Variants in XPR1 observed in about 807,000 individuals in gnomAD.
XPR1 encodes xenotropic and polytropic retrovirus receptor 1.
XPR1 carries 28 observed loss-of-function variants against 87.5 expected under a neutral mutation model. The ratio of observed to expected loss-of-function variants is 0.32; its 90% CI spans 0.24 to 0.44. XPR1 has a LOEUF of 0.44. XPR1 is among the 20% of genes least tolerant of loss of function. The pLI, the probability that XPR1 is intolerant of heterozygous loss-of-function variation, is 1.00. For synonymous variants in XPR1, 300 were observed against 306.1 expected (o/e 0.98, Z 0.21); for missense variants, 559 against 862.3 (o/e 0.65, Z 4.41).
rs71297873 is a variant in XPR1 at position 180,748,400 on chromosome 1, C to CTTTTTTTTTTTTTTT, written c.122-39332_122-39318dup. On this transcript the variant is annotated intron_variant, in intron 2 of 14. Coordinates refer to ENST00000367590, the MANE Select transcript of XPR1 (RefSeq NM_004736.4). ...TGCTACTCTGTGTTATTATTTATGTCTTTTTTTTTTTTTTTTTTTTTTTTT... is the reference window on the plus strand; with the variant it reads ...TGCTACTCTGTGTTATTATTTATGTCTTTTTTTTTTTTTTTTTTTTTTTTTTTTTTTTTTTTTTTT... Among the ~76,000 whole-genome samples, 23 of 29,676 alleles carry CTTTTTTTTTTTTTTT rather than the reference C, an allele frequency of 7.8e-4. 6 individuals carry two copies. The highest frequency in any genetic ancestry group is 3.2e-3 in the East Asian group (2 of 628). 19.5% of individuals were successfully genotyped at this position (29,676 alleles called of 152,430 possible). A position where few individuals can be genotyped will look rare whatever the true frequency, so the allele number is the denominator to read the frequency against.
chr1:180,801,205 C>T (rs1649769819), intron 3 of XPR1, among the ~76,000 whole-genome samples: 1 of 152,248 alleles, frequency 6.6e-6, no homozygotes, highest in Non-Finnish European at 1.5e-5. Flanking sequence ...ATACATCTCT[C>T]ATGGCCATTC....
intron 1 of XPR1, among the ~76,000 whole-genome samples, chr1:180,675,680 A>G (rs1656346770): frequency 6.6e-6 from 1 of 152,214 alleles, no homozygotes; most frequent in African/African-American, 2.4e-5. Context: ...GGAGTTTTAT[A>G]TAAAGTGCTG....
At chr1:180,671,703 C>CA (rs1656183891) in intron 1 of XPR1, among the ~76,000 whole-genome samples, 1 of 152,074 alleles carries the variant, frequency 6.6e-6, no homozygotes, top group Admixed American at 6.6e-5. Flanking sequence ...TTAGTAGAGA[C>CA]AGGGTCTCAC....
chr1:180,681,206 A>G (rs114008990), intron 1 of XPR1, among the ~76,000 whole-genome samples: 5,184 of 152,268 alleles, frequency 0.034, 132 homozygotes, highest in African/African-American at 0.07. Flanking sequence ...TAGAAGGAGG[A>G]TATTGAATGT....
chr1:180,728,304 G>T (rs1055843873), intron 2 of XPR1, among the ~76,000 whole-genome samples: 15 of 144,910 alleles, frequency 1.0e-4, no homozygotes, highest in African/African-American at 3.5e-4. Context: ...AACTGGGGGG[G>T]GGGGTAGTAA....
chr1:180,671,638 C>T (rs1656179442), intron 1 of XPR1, among the ~76,000 whole-genome samples: 1 of 152,100 alleles, frequency 6.6e-6, no homozygotes, highest in South Asian at 2.1e-4. Context: ...GATTCTCTTG[C>T]CTCAGCCTTG....
chr1:180,771,901 C>T (rs1648529955), intron 2 of XPR1, among the ~76,000 whole-genome samples: 1 of 152,002 alleles, frequency 6.6e-6, no homozygotes, highest in South Asian at 2.1e-4. Flanking sequence ...ACTGTTTCTC[C>T]CTTTGGATTG....
chr1:180,668,678 A>G (rs1163589247), intron 1 of XPR1, among the ~76,000 whole-genome samples: 1 of 152,118 alleles, frequency 6.6e-6, no homozygotes, highest in African/African-American at 2.4e-5. Context: ...TTATTGAAGT[A>G]TGTGTTGTTT....
intron 13 of XPR1, among the ~76,000 whole-genome samples, chr1:180,879,319 C>T (rs1358902228): frequency 6.6e-6 from 1 of 152,204 alleles, no homozygotes; most frequent in East Asian, 1.9e-4. Context: ...TTCAGCAGGA[C>T]CTTTTTCAAA....
intron 11 of XPR1, among the ~76,000 whole-genome samples, chr1:180,852,648 A>C (rs773779360): frequency 5.3e-5 from 8 of 152,178 alleles, no homozygotes; most frequent in Non-Finnish European, 8.8e-5. Context: ...TCTTGGGCTC[A>C]TGCAGCCCTC....
intron 1 of XPR1, among the ~76,000 whole-genome samples, chr1:180,680,982 CA>C (rs1251311339): frequency 2.6e-5 from 4 of 152,160 alleles, no homozygotes; most frequent in Admixed American, 6.5e-5. Context: ...CACATGTTCT[CA>C]CTCATATGTG....
At chr1:180,788,460 A>G (rs1649261400) in intron 3 of XPR1, among the ~76,000 whole-genome samples, 1 of 152,186 alleles carries the variant, frequency 6.6e-6, no homozygotes, top group African/African-American at 2.4e-5. Context: ...AGACATCAGG[A>G]GTCCTGTGAG....
chr1:180,867,158 C>A (rs1652426197), intron 12 of XPR1, among the ~76,000 whole-genome samples: 1 of 43,372 alleles, frequency 2.3e-5, no homozygotes, highest in Non-Finnish European at 4.3e-5. Context: ...TTTTTTATGG[C>A]TGCATAGTAT....
chr1:180,701,827 T>G lies in XPR1; in HGVS notation c.121+19416T>G, dbSNP rs1657341742. On this transcript the variant is annotated intron_variant, in intron 2 of 14. Coordinates refer to ENST00000367590, the MANE Select transcript of XPR1 (RefSeq NM_004736.4). ...CTCCTCGTATTTGATTCTTCTCTCT[T>G]TTTTTCTTTATTAGTCTTGCTAGCG... 1.4e-5 allele frequency among the ~76,000 whole-genome samples: 2 copies of G among 140,620 alleles called. 1 individual carries two copies. The highest frequency in any genetic ancestry group is 5.9e-5 in the African/African-American group (2 of 33,802). The allele number at this position is 140,620 out of a possible 152,430, so 92.3% of individuals were successfully genotyped here.
At chr1:180,706,697 C>T (rs542551660) in intron 2 of XPR1, among the ~76,000 whole-genome samples, 76 of 152,040 alleles carry the variant, frequency 5.0e-4, no homozygotes, top group Non-Finnish European at 7.4e-4. Flanking sequence ...CTGCAACCTC[C>T]GCCTTCCGAG....
chr1:180,657,153 G>A (rs1361288337), intron 1 of XPR1, among the ~76,000 whole-genome samples: 6 of 152,150 alleles, frequency 3.9e-5, no homozygotes, highest in Admixed American at 3.3e-4. Context: ...AGAAATGTCT[G>A]TTCAGATCTT....
chr1:180,757,657 C>T (rs957568391), intron 2 of XPR1, among the ~76,000 whole-genome samples: 8 of 151,772 alleles, frequency 5.3e-5, no homozygotes, highest in African/African-American at 1.7e-4. Flanking sequence ...GGTAGGACTA[C>T]AGGTGCACAC....
At chr1:180,848,692 T>C (rs969891167) in intron 11 of XPR1, among the ~76,000 whole-genome samples, 15 of 152,258 alleles carry the variant, frequency 9.9e-5, no homozygotes, top group African/African-American at 3.4e-4. Flanking sequence ...AGTAGTGGAA[T>C]TGCTAGATCA....
At chr1:180,752,264 G>A (rs1478249726) in intron 2 of XPR1, among the ~76,000 whole-genome samples, 2 of 152,116 alleles carry the variant, frequency 1.3e-5, no homozygotes, top group Admixed American at 6.5e-5. Context: ...TGTTAACTTA[G>A]AAAACTACAT....
Sources: allele counts gnomAD v4.1 joint callset (sites outside exome capture counted in the v4.1 genomes callset), GRCh38; gene constraint gnomAD v4.1.1; transcripts MANE v1.5; gene names NCBI Gene and HGNC (gene_info 2026-07-23, HGNC 2026-07-21).